The following SNED1 variants were observed in gnomAD, a reference collection of about 807,000 sequenced individuals.
SNED1 encodes the protein sushi, nidogen and EGF like domains 1.
Under a neutral mutation model 166.7 loss-of-function variants are expected in SNED1, and 81 were observed. The observed-to-expected ratio is 0.49, with a 90% CI of 0.41 to 0.58. The LOEUF is 0.58. Ranked by LOEUF, SNED1 falls within the 20% of genes least tolerant of loss-of-function variation. SNED1 has a pLI of 0.00. For missense variants in SNED1, 1,604 were observed against 2,000.2 expected, an observed-to-expected ratio of 0.80 and a Z score of 3.78; for synonymous variants, 762 against 822.0, an observed-to-expected ratio of 0.93 and a Z score of 1.25.
chr2:241,080,425 T>A (rs2063276121), intron 27 of SNED1, among the ~76,000 whole-genome samples: 1 of 152,224 alleles, frequency 6.6e-6, no homozygotes, highest in Non-Finnish European at 1.5e-5. Flanking sequence ...AGCTGTGACA[T>A]CCCATAATAG....
chr2:241,040,432 G>T lies in SNED1; in HGVS notation c.1273+19G>T. On this transcript the variant is annotated intron_variant, in intron 8 of 31. Coordinates refer to ENST00000310397, the MANE Select transcript of SNED1 (RefSeq NM_001080437.3). Reference sequence around the variant, plus strand: ...GAGACAGGTAACTGGCCAAGTGCCTGCAGGCCACCATGGCTGATGGTGGCT... The same window carrying T: ...GAGACAGGTAACTGGCCAAGTGCCTTCAGGCCACCATGGCTGATGGTGGCT... 1 of 1,500,874 alleles carries T rather than the reference G, an allele frequency of 6.7e-7. No homozygotes were observed. The highest frequency in any genetic ancestry group is 9.1e-7 in the Non-Finnish European group (1 of 1,101,258). 93.0% of individuals were successfully genotyped at this position (1,500,874 alleles called of 1,614,324 possible).
At position 241,048,333 on chromosome 2, in the gene SNED1, A is replaced by G; in HGVS notation, c.1292A>G (p.Asp431Gly). The G allele has an allele frequency of 6.2e-7, 1 of 1,608,074 alleles. No individual in the cohort carries two copies. Among genetic ancestry groups the G allele is most frequent in the Non-Finnish European group, 8.5e-7 (1 of 1,177,740 alleles). Reference protein sequence around the residue: ...RCETGDHPVPDACLSAPCHNG... With the variant: ...RCETGDHPVPGACLSAPCHNG... ...CTTGCAGGAGACCATCCAGTGCCAG[A>G]CGCCTGCCTCTCGGCCCCTTGCCAC... The change falls in exon 9 of 32, where the codon GAC becomes GGC. Residue 431 changes from aspartate to glycine, a missense_variant. By Grantham distance (94) the Asp-to-Gly change is moderately conservative (BLOSUM62 -1). Transcript: ENST00000310397.
rs778796595 is a variant in SNED1 at position 241,053,241 on chromosome 2, T to C, written c.2172T>C (p.Cys724=). The stretch of plus-strand genomic sequence containing the variant: ...TGGGCGCGGTGGCCCTGTATGCATG[T>C]GACCGTGGCTACAGCCTGAGCGCCC... ...TRLGAVALYA[C]DRGYSLSAPS... is the part of the protein sequence containing the mutation. The change falls in exon 16 of 32, where the codon TGT becomes TGC. Residue 724 remains cysteine, a synonymous_variant. Coordinates refer to ENST00000310397, the MANE Select transcript of SNED1 (RefSeq NM_001080437.3). 4.4e-6 allele frequency: 7 copies of C among 1,608,432 alleles called. No homozygotes were observed. In the Admixed American group the frequency reaches 1.2e-4, roughly 27 times the overall value.
At chr2:241,032,125 G>A (rs1387915413) in intron 2 of SNED1, among the ~76,000 whole-genome samples, 1 of 152,142 alleles carries the variant, frequency 6.6e-6, no homozygotes, top group African/African-American at 2.4e-5. Flanking sequence ...CAAGTCAGAG[G>A]GATCACCTGA....
At chr2:241,034,418 T>C (rs1298506466) in intron 3 of SNED1, 150 bp from the exon 4 acceptor site, 3 of 732,364 alleles carry the variant, frequency 4.1e-6, no homozygotes, top group Non-Finnish European at 6.5e-6. Context: ...GGGCCAGCCC[T>C]CTCCTTGGCT....
intron 29 of SNED1, among the ~76,000 whole-genome samples, chr2:241,086,314 G>T (rs2063572707): frequency 6.6e-6 from 1 of 152,150 alleles, no homozygotes. Context: ...GGCCCAAGGG[G>T]ACCCTACACA....
chr2:241,071,976 A>C (rs1366194551), intron 26 of SNED1, 98 bp downstream of exon 26: 68 of 1,034,674 alleles, frequency 6.6e-5, no homozygotes, highest in Non-Finnish European at 9.7e-5. Flanking sequence ...GCCCACCCCC[A>C]CCGCCAGCGC....
chr2:241,067,751 C>A lies in SNED1; in HGVS notation c.3011-13C>A. The A allele has an allele frequency of 1.3e-6, 2 of 1,593,668 alleles. No homozygotes were observed. Among genetic ancestry groups the A allele is most frequent in the East Asian group, 2.3e-5 (1 of 44,358 alleles). Reference sequence around the variant, plus strand: ...GAGGGGCCGGCACCTGCTGAACAGTCCATTCCCCCTAGGACCCCGCCCTGT... The same window carrying A: ...GAGGGGCCGGCACCTGCTGAACAGTACATTCCCCCTAGGACCCCGCCCTGT... On this transcript the variant is annotated splice_polypyrimidine_tract_variant and intron_variant, in intron 21 of 31. Transcript: ENST00000310397.
intron 1 of SNED1, among the ~76,000 whole-genome samples, chr2:241,024,373 G>A (rs2060878987): frequency 6.9e-6 from 1 of 145,786 alleles, no homozygotes; most frequent in African/African-American, 2.5e-5. Flanking sequence ...AGCCTCCCAA[G>A]TAGCTGGGAC....
rs1191794230 is a variant in SNED1, at chr2:241,073,298, G to A, written c.3850G>A (p.Glu1284Lys). ...PTASAQLENM[E>K]EAPKRVSLAL... ...AGCCTCGGCGCAGCTCGAGAACATG[G>A]AGGAAGCCCCCAAGCGGGTCAGCCT... The change falls in exon 27 of 32, where the codon GAG becomes AAG. Residue 1284 changes from glutamate (E) to lysine (K), a missense_variant. Coordinates refer to ENST00000310397, the MANE Select transcript of SNED1 (RefSeq NM_001080437.3). The surrounding 1 kb of genome is among the most constrained non-coding windows in gnomAD (Gnocchi z 6.6). The A allele has an allele frequency of 1.3e-6, 2 of 1,569,228 alleles. No individual in the cohort carries two copies. Among genetic ancestry groups the A allele is most frequent in the Admixed American group, 3.8e-5 (2 of 52,618 alleles).
In SNED1 at chr2:241,069,000, C is replaced by T. The variant is rs1367275490; in HGVS notation, c.3284C>T (p.Thr1095Ile). 1.3e-6 allele frequency: 2 copies of T among 1,553,078 alleles called. No homozygotes were observed. Among genetic ancestry groups the T allele is most frequent in the Non-Finnish European group, 1.7e-6 (2 of 1,148,504 alleles). Residue 1095 changes from threonine (T) to isoleucine (I), a missense_variant, in exon 23 of 32, where the codon ACC (threonine) becomes ATC (isoleucine). Transcript: ENST00000310397. This position sits in a 1 kb window ranked among gnomAD's most constrained non-coding sequence, Gnocchi z 5.3. ...GAGCACCCCACAGAGAGCCTGGCCA[C>T]CGCGCCGACGCACGTGTGGACCCGT... The part of the protein sequence containing the change: ...GEEHPTESLA[T>I]APTHVWTRPL...
chr2:241,067,709 A>T, intron 21 of SNED1, 55 bp from the exon 22 acceptor site: 1 of 1,483,522 alleles, frequency 6.7e-7, no homozygotes, highest in Non-Finnish European at 9.2e-7. Flanking sequence ...GAGCCCCTGC[A>T]CTCCCCCAGG....
chr2:241,042,326 T>C (rs1055383713), intron 8 of SNED1, among the ~76,000 whole-genome samples: 1 of 152,170 alleles, frequency 6.6e-6, no homozygotes, highest in African/African-American at 2.4e-5. Context: ...GTCACTTTAG[T>C]AGTGCTGAAC....
At position 241,018,093 on chromosome 2, in the gene SNED1, G is replaced by A. The variant is rs1363867063; in HGVS notation, c.214-12191G>A. Among the ~76,000 whole-genome samples the A allele has an allele frequency of 2.0e-5, 3 of 152,204 alleles. No individual in the cohort carries two copies. The highest frequency in any genetic ancestry group is 6.5e-5 in the Admixed American group (1 of 15,276). On this transcript the variant is annotated intron_variant, in intron 1 of 31. Coordinates refer to ENST00000310397, the MANE Select transcript of SNED1 (RefSeq NM_001080437.3). This position sits in a 1 kb window ranked among gnomAD's most constrained non-coding sequence, Gnocchi z 5.4. ...GCATTCCAAGGCTCACTCCCTCCCA[G>A]GTAACACGCAACCCGAGTAGCTCTG...
intron 8 of SNED1, among the ~76,000 whole-genome samples, chr2:241,041,610 G>A (rs777976384): frequency 6.6e-6 from 1 of 152,062 alleles, no homozygotes; most frequent in East Asian, 1.9e-4. Flanking sequence ...GCTTGAACCC[G>A]GGAGGCAGAG....
rs554989644 is a variant in SNED1, at chr2:241,080,929, C to T, written c.3917-748C>T. ...ACTCTCCAGCTGGTGAGGGCAGGAG[C>T]GACAGGGACAGACACAGGTCTGTGA... is the stretch of plus-strand genomic sequence containing the variant. On this transcript the variant is annotated intron_variant, in intron 27 of 31. Coordinates refer to ENST00000310397, the MANE Select transcript of SNED1 (RefSeq NM_001080437.3). 9.2e-5 allele frequency among the ~76,000 whole-genome samples: 14 copies of T among 152,330 alleles called. No homozygotes were observed. The South Asian group carries it at 2.7e-3, about 29-fold the overall frequency.
At chr2:241,062,937 G>GCTGCAGCAC in intron 17 of SNED1, 33 bp downstream of exon 17, 1 of 1,379,980 alleles carries the variant, frequency 7.2e-7, no homozygotes, top group Non-Finnish European at 9.9e-7. Context: ...TGGGGTGACA[G>GCTGCAGCAC]CTGCAGCACA....
At chr2:241,046,902 T>C (rs756439032) in intron 8 of SNED1, among the ~76,000 whole-genome samples, 6 of 152,166 alleles carry the variant, frequency 3.9e-5, no homozygotes, top group Non-Finnish European at 5.9e-5. Flanking sequence ...CCCAGCACTT[T>C]GGGAGGCCAA....
At position 241,073,528 on chromosome 2, in the gene SNED1, A is replaced by G. The variant is rs896514995; in HGVS notation, c.3916+164A>G. 1.2e-5 allele frequency: 8 copies of G among 668,470 alleles called. No homozygotes were observed. The African/African-American group carries it at 1.2e-4, about 10-fold the overall frequency. The allele number at this position is 668,470 out of a possible 1,614,324, so 41.4% of individuals were successfully genotyped here. On this transcript the variant is annotated intron_variant, in intron 27 of 31. Transcript: ENST00000310397. This position sits in a 1 kb window ranked among gnomAD's most constrained non-coding sequence, Gnocchi z 6.6. Reference sequence around the variant, plus strand: ...CACCCCGGTGTGGGAAGATGGGGTGAAGCTACACCACCCAAGCAGTGGGAC... The same window carrying G: ...CACCCCGGTGTGGGAAGATGGGGTGGAGCTACACCACCCAAGCAGTGGGAC...
Sources: gnomAD v4.1 joint callset for allele counts (sites outside exome capture counted in the v4.1 genomes callset) on GRCh38, gnomAD v4.1.1 for gene constraint, Gnocchi (gnomAD v3.1) non-coding constraint, MANE v1.5 for transcripts, NCBI Gene and HGNC (gene_info 2026-07-23, HGNC 2026-07-21) for gene names.